Variants in PARD3B observed in about 807,000 individuals in gnomAD.
PARD3B encodes par-3 family cell polarity regulator beta.
PARD3B carries 103 observed loss-of-function variants against 130.2 expected under a neutral mutation model. That is an observed-to-expected ratio of 0.79 (90% CI 0.67 to 0.93). PARD3B has a LOEUF of 0.93. Among genes scored for constraint, PARD3B ranks in the 40% least tolerant of loss-of-function variants. The pLI is 0.00. For missense variants in PARD3B, 1,609 were observed against 1,499.2 expected (o/e 1.07, Z -1.21); for synonymous variants, 583 against 553.2 (o/e 1.05, Z -0.76).
At chr2:204,659,293 G>A (rs554655991) in intron 1 of PARD3B, among the ~76,000 whole-genome samples, 115 of 152,128 alleles carry the variant, frequency 7.6e-4, no homozygotes, top group Non-Finnish European at 1.3e-3. Flanking sequence ...CCCCAAAGAA[G>A]TAATTTCTTT....
intron 16 of PARD3B, among the ~76,000 whole-genome samples, chr2:205,260,598 G>A (rs938933270): frequency 1.3e-5 from 2 of 152,050 alleles, no homozygotes; most frequent in Admixed American, 6.6e-5. Context: ...GTTTCTTCTG[G>A]AGTACTGGCA....
At chr2:205,605,512 C>T (rs1234074746) in intron 22 of PARD3B, among the ~76,000 whole-genome samples, 1 of 152,008 alleles carries the variant, frequency 6.6e-6, no homozygotes, top group African/African-American at 2.4e-5. Context: ...ACAGTCAGGC[C>T]CCTCTTCTGT....
chr2:205,362,970 T>C (rs892247346), intron 18 of PARD3B, among the ~76,000 whole-genome samples: 1 of 128,966 alleles, frequency 7.8e-6, no homozygotes, highest in East Asian at 2.3e-4. Flanking sequence ...TGTAGATCCA[T>C]GTGGGAGAAG....
chr2:205,042,260 A>C (rs1170339132), intron 3 of PARD3B, among the ~76,000 whole-genome samples: 1 of 152,162 alleles, frequency 6.6e-6, no homozygotes, highest in Non-Finnish European at 1.5e-5. Flanking sequence ...TGATTACTGG[A>C]GAATTAGAAG....
At chr2:205,120,707 A>G (rs2030594835) in intron 7 of PARD3B, among the ~76,000 whole-genome samples, 1 of 152,202 alleles carries the variant, frequency 6.6e-6, no homozygotes, top group Non-Finnish European at 1.5e-5. Context: ...AAATGGGCAC[A>G]AGATGGCTGC....
chr2:204,853,080 CATT>C (rs1422785345), intron 2 of PARD3B, among the ~76,000 whole-genome samples: 5 of 151,918 alleles, frequency 3.3e-5, no homozygotes, highest in African/African-American at 1.2e-4. Context: ...TGTTCATTGG[CATT>C]ATTTTTAATA....
chr2:205,044,053 A>G (rs374604924), intron 3 of PARD3B, among the ~76,000 whole-genome samples: 11 of 149,840 alleles, frequency 7.3e-5, no homozygotes, highest in Admixed American at 1.4e-4. Context: ...GAGAATATGC[A>G]GTGTTTGGTT....
chr2:204,568,154 A>AG (rs2031789863), intron 1 of PARD3B, among the ~76,000 whole-genome samples: 1 of 152,234 alleles, frequency 6.6e-6, no homozygotes, highest in South Asian at 2.1e-4. Flanking sequence ...TGGGATACCT[A>AG]GGGGTTTGTA....
chr2:204,869,610 G>C (rs2045558569), intron 2 of PARD3B, among the ~76,000 whole-genome samples: 1 of 152,098 alleles, frequency 6.6e-6, no homozygotes, highest in African/African-American at 2.4e-5. Context: ...CTTTGATGCA[G>C]TATGAGGTTT....
At chr2:205,535,731 A>C (rs76103889) in intron 21 of PARD3B, among the ~76,000 whole-genome samples, 187 of 152,354 alleles carry the variant, frequency 1.2e-3, no homozygotes, top group African/African-American at 4.2e-3. Context: ...CTTCCTGTGC[A>C]AAGTGGCTCT....
intron 2 of PARD3B, among the ~76,000 whole-genome samples, chr2:204,775,174 C>G (rs188047347): frequency 2.6e-5 from 4 of 151,922 alleles, no homozygotes; most frequent in Admixed American, 1.3e-4. Context: ...TAACTTTGTT[C>G]GTAAATACGG....
chr2:205,441,904 A>G (rs1403617562), intron 20 of PARD3B, among the ~76,000 whole-genome samples: 1 of 152,202 alleles, frequency 6.6e-6, no homozygotes, highest in African/African-American at 2.4e-5. Flanking sequence ...ATGAAAATAT[A>G]AATTTTTATG....
intron 19 of PARD3B, among the ~76,000 whole-genome samples, chr2:205,401,615 C>T (rs2046255175): frequency 6.6e-6 from 1 of 152,138 alleles, no homozygotes; most frequent in Admixed American, 6.5e-5. Context: ...GAGTATGTTG[C>T]CCATCTGTTA....
At chr2:205,224,385 A>AAAAAAAAAAAAAAAAG (rs1164513653) in intron 15 of PARD3B, among the ~76,000 whole-genome samples, 1 of 147,590 alleles carries the variant, frequency 6.8e-6, no homozygotes, top group African/African-American at 2.5e-5. Context: ...AAAAAAAAAA[A>AAAAAAAAAAAAAAAAG]AAAGAAAGAA....
intron 3 of PARD3B, among the ~76,000 whole-genome samples, chr2:205,027,669 C>G (rs968473089): frequency 6.6e-6 from 1 of 151,956 alleles, no homozygotes; most frequent in Middle Eastern, 3.2e-3. Flanking sequence ...TTTCACTGTG[C>G]TTTTTCCTAG....
At chr2:205,017,662 C>T (rs1696252875) in intron 3 of PARD3B, among the ~76,000 whole-genome samples, 1 of 152,128 alleles carries the variant, frequency 6.6e-6, no homozygotes, top group African/African-American at 2.4e-5. Flanking sequence ...TCATCTAGTC[C>T]TTCCCTCACC....
At chr2:205,611,087 G>C (rs916711244) in intron 22 of PARD3B, among the ~76,000 whole-genome samples, 1 of 152,194 alleles carries the variant, frequency 6.6e-6, no homozygotes, top group Non-Finnish European at 1.5e-5. Context: ...TATACAACCA[G>C]CCACAAGGCA....
intron 15 of PARD3B, among the ~76,000 whole-genome samples, chr2:205,205,945 A>G (rs1455693204): frequency 6.6e-6 from 1 of 152,140 alleles, no homozygotes; most frequent in Non-Finnish European, 1.5e-5. Flanking sequence ...TGGTATCAGG[A>G]TGATGCTGGC....
chr2:204,824,632 G>C (rs2043498283), intron 2 of PARD3B, among the ~76,000 whole-genome samples: 1 of 152,142 alleles, frequency 6.6e-6, no homozygotes, highest in Non-Finnish European at 1.5e-5. Context: ...TGAAAAGGAG[G>C]CCAGGGAGAG....
Sources: gnomAD v4.1 joint callset for allele counts (sites outside exome capture counted in the v4.1 genomes callset) on GRCh38, gnomAD v4.1.1 for gene constraint, MANE v1.5 for transcripts, NCBI Gene and HGNC (gene_info 2026-07-23, HGNC 2026-07-21) for gene names.